Variants in PDE3A observed in about 807,000 individuals in gnomAD.
The protein encoded by PDE3A is cGMP-inhibited 3',5'-cyclic phosphodiesterase 3A.
In PDE3A, 43 loss-of-function variants were observed where a neutral mutation model predicts 98.3. The observed-to-expected ratio is 0.44, with a 90% CI of 0.34 to 0.56. The LOEUF (loss-of-function observed/expected upper bound fraction) is 0.56, where lower values mean the gene tolerates loss of function less well. Ranked by LOEUF, PDE3A falls within the 20% of genes least tolerant of loss-of-function variation. The pLI is 0.01. For missense variants in PDE3A, 1,427 were observed against 1,440.7 expected (o/e 0.99, Z 0.15); for synonymous variants, 663 against 567.9 (o/e 1.17, Z -2.38).
At chr12:20,551,892 C>A (rs576356027) in intron 1 of PDE3A, 1 of 1,613,518 alleles carries the variant, frequency 6.2e-7, no homozygotes, top group East Asian at 2.2e-5. Context: ...ACGGACCCAT[C>A]CCGGGGATCC....
intron 2 of PDE3A, among the ~76,000 whole-genome samples, chr12:20,565,127 C>T (rs1942623832): frequency 1.3e-5 from 2 of 152,078 alleles, no homozygotes; most frequent in African/African-American, 2.4e-5. Flanking sequence ...CCCCAGATAG[C>T]TTATAGTACA....
In PDE3A at chr12:20,449,840, CAGAG is replaced by C. The variant is rs1391474533; in HGVS notation, c.960+79600_960+79603del. 1.2e-5 allele frequency: 7 copies of C among 572,548 alleles called. 1 individual carries two copies. In the East Asian group the frequency reaches 2.1e-4, roughly 17 times the overall value. 35.5% of individuals were successfully genotyped at this position (572,548 alleles called of 1,614,324 possible). ...CCAGTTTTCAGCACTAATTTACTGG[CAGAG>C]AGACCTGCCCCTTTTAGTGGACATT... On this transcript the variant is annotated intron_variant, in intron 1 of 15. Transcript: ENST00000359062.
At position 20,552,811 on chromosome 12, in the gene PDE3A, CAG is replaced by C. The variant is rs1399118958; in HGVS notation, c.961-3848_961-3847del. 19 of 1,614,040 alleles carry C rather than the reference CAG, an allele frequency of 1.2e-5. No homozygotes were observed. Among genetic ancestry groups the C allele is most frequent in the Non-Finnish European group, 1.6e-5 (19 of 1,179,894 alleles). On this transcript the variant is annotated intron_variant, in intron 1 of 15. Transcript: ENST00000359062. This position sits in a 1 kb window ranked among gnomAD's most constrained non-coding sequence, Gnocchi z 5.1. ...GGAGACGTTCCAGTGTATCTGCTGT[CAG>C]GAGCTGGTGTTCCGGCCCATCACGA...
intron 1 of PDE3A, among the ~76,000 whole-genome samples, chr12:20,533,288 T>A (rs113649475): frequency 1.3e-5 from 2 of 151,974 alleles, no homozygotes; most frequent in African/African-American, 2.4e-5. Flanking sequence ...TTCAACTTCT[T>A]TAAGTAAGTA....
intron 15 of PDE3A, among the ~76,000 whole-genome samples, chr12:20,666,156 G>T (rs1477271706): frequency 6.6e-6 from 1 of 151,440 alleles, no homozygotes; most frequent in Non-Finnish European, 1.5e-5. Context: ...GTAGAGATGG[G>T]GTTTCACCAT....
At chr12:20,446,633 C>T (rs774842221) in intron 1 of PDE3A, among the ~76,000 whole-genome samples, 3 of 152,128 alleles carry the variant, frequency 2.0e-5, no homozygotes, top group Non-Finnish European at 4.4e-5. Flanking sequence ...TACTATGTGC[C>T]AGACTCTACC....
intron 1 of PDE3A, among the ~76,000 whole-genome samples, chr12:20,371,737 A>G (rs1215977978): frequency 1.3e-5 from 2 of 152,174 alleles, no homozygotes; most frequent in Non-Finnish European, 2.9e-5. Flanking sequence ...GGAGGGGAAA[A>G]CAGGCCACTG....
intron 1 of PDE3A, among the ~76,000 whole-genome samples, chr12:20,417,378 A>T (rs972941167): frequency 6.6e-6 from 1 of 152,214 alleles, no homozygotes; most frequent in African/African-American, 2.4e-5. Flanking sequence ...CAAGTCCCCA[A>T]TTATATCTTT....
At chr12:20,597,705 GTTTTCTCC>G (rs1943499625) in intron 2 of PDE3A, among the ~76,000 whole-genome samples, 1 of 152,092 alleles carries the variant, frequency 6.6e-6, no homozygotes, top group Non-Finnish European at 1.5e-5. Context: ...CACCCACAGG[GTTTTCTCC>G]TTTATCCTCT....
rs182407865 is a variant in PDE3A, at chr12:20,606,580, C to T, written c.1012-6863C>T. Among the ~76,000 whole-genome samples the T allele has an allele frequency of 1.8e-3, 281 of 151,990 alleles. 5 individuals are homozygous for T. Among genetic ancestry groups the T allele is most frequent in the Non-Finnish European group, 4.3e-4 (29 of 67,966 alleles). ...GTAATAAAAATTAAAACAAATTGGC[C>T]GGGTGCGGTGGCTCACGCTTATAAT... On this transcript the variant is annotated intron_variant, in intron 2 of 15. Transcript: ENST00000359062.
At chr12:20,399,014 A>G (rs1944072359) in intron 1 of PDE3A, among the ~76,000 whole-genome samples, 1 of 151,880 alleles carries the variant, frequency 6.6e-6, no homozygotes, top group South Asian at 2.1e-4. Flanking sequence ...CTACCATTCC[A>G]CTTTCTGTCT....
At chr12:20,599,362 G>A (rs1943536944) in intron 2 of PDE3A, among the ~76,000 whole-genome samples, 1 of 152,066 alleles carries the variant, frequency 6.6e-6, no homozygotes, top group African/African-American at 2.4e-5. Flanking sequence ...GAGTAACACT[G>A]GGAAGTACTC....
intron 1 of PDE3A, among the ~76,000 whole-genome samples, chr12:20,427,292 T>C (rs1247347231): frequency 1.3e-5 from 2 of 152,214 alleles, no homozygotes; most frequent in Non-Finnish European, 2.9e-5. Flanking sequence ...TTGCGTGCTT[T>C]TGAATTTTAT....
intron 1 of PDE3A, among the ~76,000 whole-genome samples, chr12:20,507,077 G>A (rs572721531): frequency 2.0e-5 from 3 of 151,938 alleles, no homozygotes; most frequent in Non-Finnish European, 2.9e-5. Flanking sequence ...ATTATGATCC[G>A]GGGGGTAATT....
chr12:20,658,695 C>A (rs1193943493), intron 15 of PDE3A, among the ~76,000 whole-genome samples: 1 of 152,164 alleles, frequency 6.6e-6, no homozygotes, highest in African/African-American at 2.4e-5. Flanking sequence ...AGGAGATAGG[C>A]CTGCCTGCTG....
At chr12:20,543,512 T>C (rs1231935291) in intron 1 of PDE3A, among the ~76,000 whole-genome samples, 1 of 152,008 alleles carries the variant, frequency 6.6e-6, no homozygotes, top group Admixed American at 6.6e-5. Flanking sequence ...GGGGATCCAT[T>C]AATATTAAAA....
chr12:20,626,562 G>GA (rs1592125974), intron 5 of PDE3A, among the ~76,000 whole-genome samples: 1 of 152,074 alleles, frequency 6.6e-6, no homozygotes, highest in African/African-American at 2.4e-5. Flanking sequence ...GCAGTGGTGG[G>GA]ATCTCAGCTC....
At chr12:20,446,597 T>A (rs1944958903) in intron 1 of PDE3A, among the ~76,000 whole-genome samples, 1 of 152,172 alleles carries the variant, frequency 6.6e-6, no homozygotes, top group Non-Finnish European at 1.5e-5. Context: ...TTGTCAGTAC[T>A]TTTTAGGGAC....
chr12:20,593,768 G>A (rs1403677146), intron 2 of PDE3A, among the ~76,000 whole-genome samples: 1 of 152,146 alleles, frequency 6.6e-6, no homozygotes, highest in Non-Finnish European at 1.5e-5. Flanking sequence ...AAATTGCTTT[G>A]GAATATCTGA....
Sources: gnomAD v4.1 joint callset for allele counts (sites outside exome capture counted in the v4.1 genomes callset) on GRCh38, gnomAD v4.1.1 for gene constraint, Gnocchi (gnomAD v3.1) non-coding constraint, MANE v1.5 for transcripts, NCBI Gene and HGNC (gene_info 2026-07-23, HGNC 2026-07-21) for gene names.